The following AFF3 variants were observed in gnomAD, a reference collection of about 807,000 sequenced individuals.
AFF3 encodes AF4/FMR2 family member 3.
AFF3 carries 32 observed loss-of-function variants against 129.7 expected under a neutral mutation model. That is an observed-to-expected ratio of 0.25 (90% CI 0.19 to 0.33). The LOEUF (loss-of-function observed/expected upper bound fraction) is 0.33. Ranked by LOEUF, AFF3 falls within the 10% of genes least tolerant of loss-of-function variation. AFF3 has a pLI of 1.00. For missense variants in AFF3, 1,373 were observed against 1,592.0 expected, an observed-to-expected ratio of 0.86 and a Z score of 2.34; for synonymous variants, 644 against 635.4, an observed-to-expected ratio of 1.01 and a Z score of -0.20.
In AFF3 at chr2:99,551,112, T is replaced by C. The variant is rs1031899102; in HGVS notation, c.*362A>G. ...AAGAAGTCACGGTTTAGCACTGGAATGGAATAGAAAGTGTGTGTCTGTGAT... is the reference window on the plus strand; with the variant it reads ...AAGAAGTCACGGTTTAGCACTGGAACGGAATAGAAAGTGTGTGTCTGTGAT... On this transcript the variant is annotated 3_prime_UTR_variant, in exon 25 of 25. Coordinates refer to ENST00000672756, the MANE Select transcript of AFF3 (RefSeq NM_001386135.1). The C allele has an allele frequency of 3.0e-5, 13 of 429,210 alleles. No homozygotes were observed. The highest frequency in any genetic ancestry group is 2.4e-4 in the African/African-American group (12 of 50,418). The allele number at this position is 429,210 out of a possible 1,614,324, so 26.6% of individuals were successfully genotyped here.
intron 8 of AFF3, among the ~76,000 whole-genome samples, chr2:99,783,952 C>G (rs931147893): frequency 4.6e-5 from 7 of 152,188 alleles, no homozygotes; most frequent in African/African-American, 7.2e-5. Flanking sequence ...ATATATTGCC[C>G]GTTGCAAGTA....
chr2:99,968,495 AG>A lies in AFF3; in HGVS notation c.873+38136del, dbSNP rs1468843389. 2.6e-5 allele frequency among the ~76,000 whole-genome samples: 4 copies of A among 152,342 alleles called. No individual in the cohort carries two copies. In the South Asian group the frequency reaches 6.2e-4, roughly 24 times the overall value. On this transcript the variant is annotated intron_variant, in intron 7 of 24. Coordinates refer to ENST00000672756, the MANE Select transcript of AFF3 (RefSeq NM_001386135.1). The stretch of plus-strand genomic sequence containing the variant: ...GGGTGTTCCAAGTGGCTGCAATTAA[AG>A]CAAATCTTTTTTTTCTCCACTTTGG...
In AFF3 at chr2:99,681,155, T is replaced by C. The variant is rs556181494; in HGVS notation, c.1092-8566A>G. On this transcript the variant is annotated intron_variant, in intron 11 of 24. Coordinates refer to ENST00000672756, the MANE Select transcript of AFF3 (RefSeq NM_001386135.1). ...TTCACAGCAATGTTGGGACCCACTATATAACACAGAGCTGGACTGACTCAT... is the reference window on the plus strand; with the variant it reads ...TTCACAGCAATGTTGGGACCCACTACATAACACAGAGCTGGACTGACTCAT... 1.3e-4 allele frequency among the ~76,000 whole-genome samples: 20 copies of C among 152,302 alleles called. 1 individual carries two copies. In the East Asian group the frequency reaches 2.1e-3, roughly 16 times the overall value.
At position 99,737,637 on chromosome 2, in the gene AFF3, C is replaced by CT. The variant is rs201427905; in HGVS notation, c.1039+6466dup. Among the ~76,000 whole-genome samples, 1,389 of 141,998 alleles carry CT rather than the reference C, an allele frequency of 9.8e-3. 19 individuals are homozygous for CT. The highest frequency in any genetic ancestry group is 0.044 in the East Asian group (215 of 4,910). 93.2% of individuals were successfully genotyped at this position (141,998 alleles called of 152,430 possible). The stretch of plus-strand genomic sequence containing the variant: ...TTAGCTATAATGTGTGTAGTGTGGA[C>CT]TTTTTTTTTTTTCATTTATCCTTGG... On this transcript the variant is annotated intron_variant, in intron 10 of 24. Transcript: ENST00000672756.
At chr2:99,870,525 C>T (rs1371830187) in intron 7 of AFF3, among the ~76,000 whole-genome samples, 1 of 152,148 alleles carries the variant, frequency 6.6e-6, no homozygotes, top group African/African-American at 2.4e-5. Context: ...CTGGATCTAC[C>T]CATGCAGACC....
chr2:100,013,762 T>C (rs1006410720), intron 4 of AFF3, among the ~76,000 whole-genome samples: 1 of 152,064 alleles, frequency 6.6e-6, no homozygotes, highest in Non-Finnish European at 1.5e-5. Flanking sequence ...AGCCCCCAAC[T>C]GACAAAGGAT....
chr2:99,614,235 A>G (rs1044050706), intron 13 of AFF3, among the ~76,000 whole-genome samples: 7 of 152,240 alleles, frequency 4.6e-5, no homozygotes. Flanking sequence ...CGTAGGGAAC[A>G]ATAAAAGTCA....
intron 7 of AFF3, among the ~76,000 whole-genome samples, chr2:99,923,949 G>A (rs1012898212): frequency 2.6e-5 from 4 of 151,992 alleles, no homozygotes; most frequent in African/African-American, 9.7e-5. Flanking sequence ...TCACTTTAAG[G>A]AATATCTCTG....
Position 99,972,166 on chromosome 2 carries a change from G to A in AFF3, c.873+34466C>T, listed in dbSNP as rs113023715. ...ATCACACAAATGTATTCCAAATCCT[G>A]GAGCTGGGGTCACTGATAGTCTACT... On this transcript the variant is annotated intron_variant, in intron 7 of 24. Coordinates refer to ENST00000672756, the MANE Select transcript of AFF3 (RefSeq NM_001386135.1). 8.6e-3 allele frequency among the ~76,000 whole-genome samples: 1,311 copies of A among 152,278 alleles called. 12 individuals are homozygous for A. The highest frequency in any genetic ancestry group is 0.014 in the Non-Finnish European group (980 of 68,022).
At chr2:99,856,358 G>T (rs1053871790) in intron 7 of AFF3, among the ~76,000 whole-genome samples, 1 of 151,988 alleles carries the variant, frequency 6.6e-6, no homozygotes, top group African/African-American at 2.4e-5. Flanking sequence ...ACAAAGAACC[G>T]GGAAAATATG....
At chr2:99,636,229 T>C (rs1575565812) in intron 13 of AFF3, among the ~76,000 whole-genome samples, 1 of 152,198 alleles carries the variant, frequency 6.6e-6, no homozygotes, top group South Asian at 2.1e-4. Context: ...TGTGGCCTAA[T>C]GTGGCTCCCT....
At chr2:99,986,201 AAATAATAATAAT>A (rs35535526) in intron 7 of AFF3, among the ~76,000 whole-genome samples, 6,118 of 137,046 alleles carry the variant, frequency 0.045, 309 homozygotes, top group African/African-American at 0.12. Context: ...ACTTCATCTC[AAATAATAATAAT>A]AATAATAATA....
chr2:99,785,883 G>T (rs1327093103), intron 8 of AFF3, among the ~76,000 whole-genome samples: 1 of 152,176 alleles, frequency 6.6e-6, no homozygotes, highest in Non-Finnish European at 1.5e-5. Context: ...GGGTAGCTGG[G>T]ATTACAGGCA....
intron 13 of AFF3, among the ~76,000 whole-genome samples, chr2:99,607,576 T>A (rs1470202622): frequency 6.6e-6 from 1 of 151,658 alleles, no homozygotes; most frequent in Non-Finnish European, 1.5e-5. Context: ...AAATCTTGGA[T>A]CTCACAGTCA....
At chr2:99,884,140 C>A (rs1381578465) in intron 7 of AFF3, among the ~76,000 whole-genome samples, 1 of 152,126 alleles carries the variant, frequency 6.6e-6, no homozygotes, top group African/African-American at 2.4e-5. Context: ...CCTTCTTGAG[C>A]AGACAACTAT....
At chr2:100,114,255 G>A (rs897226864) in intron 2 of AFF3, among the ~76,000 whole-genome samples, 1 of 152,208 alleles carries the variant, frequency 6.6e-6, no homozygotes, top group African/African-American at 2.4e-5. Flanking sequence ...CAGTGAAAAT[G>A]TGAAGTGCCT....
intron 4 of AFF3, among the ~76,000 whole-genome samples, chr2:100,018,673 G>T (rs1683338496): frequency 6.6e-6 from 1 of 151,998 alleles, no homozygotes; most frequent in Admixed American, 6.5e-5. Context: ...TTGGGATGAA[G>T]CAATTACTCT....
In AFF3 at chr2:99,621,352, G is replaced by A. The variant is rs111531711; in HGVS notation, c.1185-19731C>T. On this transcript the variant is annotated intron_variant, in intron 13 of 24. Transcript: ENST00000672756. ...ATTCCTGGCTTTGCTACCTCTAGGA[G>A]TCTAGATAATTCTCATCATAACTAA... Among the ~76,000 whole-genome samples, 931 of 152,314 alleles carry A rather than the reference G, an allele frequency of 6.1e-3. 6 individuals are homozygous for A. The highest frequency in any genetic ancestry group is 0.014 in the South Asian group (69 of 4,824).
At chr2:99,804,159 A>G (rs917070690) in intron 8 of AFF3, among the ~76,000 whole-genome samples, 1 of 152,222 alleles carries the variant, frequency 6.6e-6, no homozygotes, top group Non-Finnish European at 1.5e-5. Context: ...CAACCCACAG[A>G]ATGAGAGAAA....
Sources: gnomAD v4.1 joint callset for allele counts (sites outside exome capture counted in the v4.1 genomes callset) on GRCh38, gnomAD v4.1.1 for gene constraint, MANE v1.5 for transcripts, NCBI Gene and HGNC (gene_info 2026-07-23, HGNC 2026-07-21) for gene names.